Variants in NXPE2 observed in about 807,000 individuals in gnomAD.
NXPE2 encodes the protein NXPE family member 2.
Under a neutral mutation model 34.4 loss-of-function variants are expected in NXPE2, and 34 were observed. The ratio of observed to expected loss-of-function variants is 0.99; its 90% confidence interval spans 0.75 to 1.31. The LOEUF is 1.31. Among genes scored for constraint, NXPE2 ranks in the 40% most tolerant of loss-of-function variants. The pLI, the probability that NXPE2 is intolerant of heterozygous loss-of-function variation, is 0.00. For synonymous variants in NXPE2, 235 were observed against 231.3 expected, an observed-to-expected ratio of 1.02 and a Z score of -0.15; for missense variants, 649 against 672.5, an observed-to-expected ratio of 0.97 and a Z score of 0.39.
chr11:114,790,396 T>C, the NXPE2 span, among the ~76,000 whole-genome samples: 2 of 152,216 alleles, frequency 1.3e-5, no homozygotes, highest in Non-Finnish European at 2.9e-5. Context: ...TATCATTTAC[T>C]TAGCACTCTA....
the NXPE2 span, among the ~76,000 whole-genome samples, chr11:114,525,434 G>A: frequency 6.6e-6 from 1 of 152,116 alleles, no homozygotes; most frequent in Non-Finnish European, 1.5e-5. Context: ...ACCCAGGGAA[G>A]GGCAGGGCTC....
At chr11:114,813,194 C>A in the NXPE2 span, among the ~76,000 whole-genome samples, 3 of 152,210 alleles carry the variant, frequency 2.0e-5, no homozygotes, top group African/African-American at 4.8e-5. Flanking sequence ...TGGTTATAAT[C>A]AAAAAGGTGT....
At chr11:114,795,957 C>A in the NXPE2 span, among the ~76,000 whole-genome samples, 2 of 152,108 alleles carry the variant, frequency 1.3e-5, no homozygotes, top group African/African-American at 2.4e-5. Flanking sequence ...CCACCCTATC[C>A]CAAAACAGCT....
At chr11:114,505,485 G>T in the NXPE2 span, among the ~76,000 whole-genome samples, 1 of 152,136 alleles carries the variant, frequency 6.6e-6, no homozygotes, top group Non-Finnish European at 1.5e-5. Context: ...AGAAAGGCCA[G>T]GTCATATACA....
chr11:114,658,567 C>A, the NXPE2 span, among the ~76,000 whole-genome samples: 1 of 152,128 alleles, frequency 6.6e-6, no homozygotes, highest in African/African-American at 2.4e-5. Flanking sequence ...TCTAAGAACA[C>A]TAAAGTGTTA....
At chr11:114,586,695 G>A in the NXPE2 span, among the ~76,000 whole-genome samples, 3 of 152,140 alleles carry the variant, frequency 2.0e-5, no homozygotes, top group Admixed American at 2.0e-4. Context: ...GTTACCTGAA[G>A]GTTTCTGGAC....
At chr11:114,748,445 C>A in the NXPE2 span, among the ~76,000 whole-genome samples, 1 of 152,184 alleles carries the variant, frequency 6.6e-6, no homozygotes, top group African/African-American at 2.4e-5. Context: ...CAAAAGAATT[C>A]AATTTGGAAT....
At chr11:114,556,150 T>C in the NXPE2 span, among the ~76,000 whole-genome samples, 4 of 152,228 alleles carry the variant, frequency 2.6e-5, no homozygotes, top group East Asian at 1.9e-4. Flanking sequence ...AGTAACAATA[T>C]TGAGTTTTCC....
At chr11:114,529,896 G>T in the NXPE2 span, 20 of 360,978 alleles carry the variant, frequency 5.5e-5, no homozygotes, top group Non-Finnish European at 8.9e-5. Flanking sequence ...AAGGAGCATG[G>T]ATGTTATCAT....
the NXPE2 span, among the ~76,000 whole-genome samples, chr11:114,776,428 G>A: frequency 2.0e-5 from 3 of 152,280 alleles, no homozygotes; most frequent in African/African-American, 7.2e-5. Context: ...AGCGCAGGAA[G>A]TTAAGAAGCT....
chr11:114,469,775 A>C, the NXPE2 span, among the ~76,000 whole-genome samples: 317 of 152,290 alleles, frequency 2.1e-3, 1 homozygote, highest in Middle Eastern at 0.01. Flanking sequence ...ATAATGCCAC[A>C]GTTAACGTAA....
the NXPE2 span, among the ~76,000 whole-genome samples, chr11:114,744,530 T>C: frequency 6.6e-6 from 1 of 152,206 alleles, no homozygotes; most frequent in African/African-American, 2.4e-5. Flanking sequence ...AATTCTTGGC[T>C]GGGCGTGGTG....
chr11:114,596,049 G>C, the NXPE2 span, among the ~76,000 whole-genome samples: 4 of 152,136 alleles, frequency 2.6e-5, no homozygotes, highest in Admixed American at 2.6e-4. Context: ...AGAGCCACAA[G>C]TTTGAATGAT....
At chr11:114,508,710 A>G in the NXPE2 span, among the ~76,000 whole-genome samples, 1 of 152,284 alleles carries the variant, frequency 6.6e-6, no homozygotes, top group Admixed American at 6.5e-5. Context: ...TTGAAACTGG[A>G]CTCCTTCCTT....
chr11:114,514,534 A>G, the NXPE2 span, among the ~76,000 whole-genome samples: 1 of 151,826 alleles, frequency 6.6e-6, no homozygotes, highest in Non-Finnish European at 1.5e-5. Flanking sequence ...GACCATCAGC[A>G]TGCACCACCA....
chr11:114,786,419 G>A, the NXPE2 span, among the ~76,000 whole-genome samples: 200 of 138,706 alleles, frequency 1.4e-3, 1 homozygote, highest in Admixed American at 0.013. Context: ...CAGCAAATTA[G>A]GTCTGGCAAA....
chr11:114,593,078 A>C, the NXPE2 span, among the ~76,000 whole-genome samples: 1 of 152,172 alleles, frequency 6.6e-6, no homozygotes, highest in Admixed American at 6.6e-5. Context: ...AAATACTAGA[A>C]GAAAACCTAG....
chr11:114,788,693 T>C, the NXPE2 span, among the ~76,000 whole-genome samples: 2 of 152,246 alleles, frequency 1.3e-5, 1 homozygote, highest in Admixed American at 1.3e-4. Context: ...TTGGGAAAGA[T>C]GCCTCTGCAG....
chr11:114,638,083 C>T, the NXPE2 span, among the ~76,000 whole-genome samples: 7 of 151,374 alleles, frequency 4.6e-5, no homozygotes, highest in African/African-American at 1.5e-4. Context: ...CCATTCACCC[C>T]GTCACTTTCA....
Sources: allele counts gnomAD v4.1 joint callset (sites outside exome capture counted in the v4.1 genomes callset), GRCh38; gene constraint gnomAD v4.1.1; transcripts MANE v1.5; gene names NCBI Gene and HGNC (gene_info 2026-07-23, HGNC 2026-07-21).